Variants in CEP83 observed in about 807,000 individuals in gnomAD.
CEP83 encodes the protein centrosomal protein of 83 kDa.
A neutral mutation model predicts 101.9 loss-of-function variants in CEP83; 70 were observed. The ratio of observed to expected loss-of-function variants is 0.69; its 90% confidence interval spans 0.57 to 0.84. The LOEUF is 0.84. Among genes scored for constraint, CEP83 ranks in the 40% least tolerant of loss-of-function variants. The probability of loss-of-function intolerance (pLI) is 0.00; values close to 1 mark genes in which losing one functional copy is unlikely to be tolerated. For synonymous variants in CEP83, 264 were observed against 267.9 expected, an observed-to-expected ratio of 0.99 and a Z score of 0.14; for missense variants, 715 against 787.2, an observed-to-expected ratio of 0.91 and a Z score of 1.10.
At chr12:94,441,528 A>G (rs558422662) in intron 1 of CEP83, among the ~76,000 whole-genome samples, 2 of 152,326 alleles carry the variant, frequency 1.3e-5, no homozygotes, top group Admixed American at 1.3e-4. Flanking sequence ...ATAGATGGTG[A>G]CAAGGATGTA....
chr12:94,312,725 A>G (rs978957777), intron 15 of CEP83, 189 bp downstream of exon 15: 1 of 985,294 alleles, frequency 1.0e-6, no homozygotes, highest in African/African-American at 1.7e-5. Flanking sequence ...TATGTGACAG[A>G]GACCTTTTGG....
At position 94,378,875 on chromosome 12, in the gene CEP83, C is replaced by T; in HGVS notation, c.717G>A (p.Glu239=). Residue 239 remains glutamate (E), a synonymous_variant, in exon 7 of 17, where the codon GAG becomes GAA. Coordinates refer to ENST00000397809, the MANE Select transcript of CEP83 (RefSeq NM_016122.3). ...AEVAELKAEK[E]NSEAQVENAQ... is the part of the protein sequence containing the mutation. ...CATTTTCCACCTGAGCCTCAGAATT[C>T]TCCTTTTCAGCCTTTAATTCCGCTA... 1 of 1,614,078 alleles carries T rather than the reference C, an allele frequency of 6.2e-7. No individual in the cohort carries two copies. The highest frequency in any genetic ancestry group is 8.5e-7 in the Non-Finnish European group (1 of 1,179,980).
intron 8 of CEP83, 55 bp downstream of exon 8, chr12:94,375,831 C>A: frequency 2.1e-6 from 2 of 942,182 alleles, no homozygotes; most frequent in Non-Finnish European, 3.0e-6. Flanking sequence ...TAAAATTTAT[C>A]ATTATATACT....
intron 3 of CEP83, among the ~76,000 whole-genome samples, chr12:94,412,049 T>A (rs1231574866): frequency 6.6e-6 from 1 of 152,164 alleles, no homozygotes; most frequent in East Asian, 1.9e-4. Flanking sequence ...TGGTGGGAGA[T>A]GGGGAACACA....
the CEP83 span, among the ~76,000 whole-genome samples, chr12:94,283,509 T>G: frequency 6.6e-6 from 1 of 152,204 alleles, no homozygotes; most frequent in Non-Finnish European, 1.5e-5. Context: ...AGAGCTGATT[T>G]ATCAAGACAG....
At chr12:94,454,185 AT>A (rs1198320571) in intron 1 of CEP83, among the ~76,000 whole-genome samples, 3 of 152,164 alleles carry the variant, frequency 2.0e-5, no homozygotes, top group African/African-American at 7.2e-5. Flanking sequence ...CAAAAATGTT[AT>A]AAAGAACCAT....
At chr12:94,445,930 A>AAATG (rs1006457773) in intron 1 of CEP83, among the ~76,000 whole-genome samples, 5 of 152,362 alleles carry the variant, frequency 3.3e-5, no homozygotes, top group Non-Finnish European at 4.4e-5. Context: ...GCAGGCTGGA[A>AAATG]AATGAATGAA....
At chr12:94,443,503 ATTTT>A (rs2066573709) in intron 1 of CEP83, among the ~76,000 whole-genome samples, 1 of 151,774 alleles carries the variant, frequency 6.6e-6, no homozygotes, top group Non-Finnish European at 1.5e-5. Context: ...ATAAACATAT[ATTTT>A]TTTGAGACAG....
intron 11 of CEP83, among the ~76,000 whole-genome samples, chr12:94,351,679 C>A (rs1168797904): frequency 6.6e-6 from 1 of 152,116 alleles, no homozygotes; most frequent in Non-Finnish European, 1.5e-5. Flanking sequence ...CCAGCCACTG[C>A]CAGCAATCCC....
At chr12:94,357,299 A>C (rs1425428406) in intron 11 of CEP83, among the ~76,000 whole-genome samples, 1 of 152,174 alleles carries the variant, frequency 6.6e-6, no homozygotes, top group East Asian at 1.9e-4. Flanking sequence ...GGATAAAGGA[A>C]ATACTCCATT....
At chr12:94,279,727 C>T in the CEP83 span, 6 of 1,226,446 alleles carry the variant, frequency 4.9e-6, no homozygotes, top group Admixed American at 4.0e-5. Context: ...CCTGTCCCCC[C>T]TCCCTGCCCC....
At chr12:94,398,714 T>C (rs2063059015) in intron 6 of CEP83, among the ~76,000 whole-genome samples, 1 of 152,226 alleles carries the variant, frequency 6.6e-6, no homozygotes, top group South Asian at 2.1e-4. Flanking sequence ...GCCATATTTT[T>C]CTTCTTGCAG....
chr12:94,406,772 T>A (rs2365447), intron 4 of CEP83, among the ~76,000 whole-genome samples: 86,747 of 151,540 alleles, frequency 0.57, 24,873 homozygotes, highest in Admixed American at 0.6. Context: ...ATAAAAAATT[T>A]AAAAATTAAC....
the CEP83 span, among the ~76,000 whole-genome samples, chr12:94,294,803 G>A: frequency 2.6e-5 from 4 of 152,312 alleles, no homozygotes; most frequent in African/African-American, 9.6e-5. Flanking sequence ...TAAACTCAGG[G>A]CAGAATCTCA....
chr12:94,379,165 T>A, intron 6 of CEP83, 123 bp from the exon 7 acceptor site: 1 of 819,596 alleles, frequency 1.2e-6, no homozygotes, highest in Non-Finnish European at 1.9e-6. Flanking sequence ...TGAAACAAAG[T>A]ACAAAGGAAA....
chr12:94,332,294 A>C (rs1455042059), intron 13 of CEP83, among the ~76,000 whole-genome samples: 1 of 152,240 alleles, frequency 6.6e-6, no homozygotes, highest in Non-Finnish European at 1.5e-5. Context: ...CTAGAGTAAA[A>C]TGCATATAAA....
intron 7 of CEP83, among the ~76,000 whole-genome samples, chr12:94,376,860 C>G (rs1267628602): frequency 6.6e-6 from 1 of 151,924 alleles, no homozygotes; most frequent in Non-Finnish European, 1.5e-5. Context: ...CTGCCTCAGC[C>G]TCCCGAGTAG....
At chr12:94,367,772 TA>T in intron 11 of CEP83, 21 bp downstream of exon 11, 1 of 1,528,414 alleles carries the variant, frequency 6.5e-7, no homozygotes, top group South Asian at 1.3e-5. Context: ...TGAAAAACTT[TA>T]AATATATATG....
intron 11 of CEP83, among the ~76,000 whole-genome samples, chr12:94,339,772 C>T (rs1206302144): frequency 1.1e-4 from 16 of 152,226 alleles, no homozygotes; most frequent in Non-Finnish European, 2.1e-4. Flanking sequence ...GAAATTGACA[C>T]TGGCCATTAT....
Sources: allele counts gnomAD v4.1 joint callset (sites outside exome capture counted in the v4.1 genomes callset), GRCh38; gene constraint gnomAD v4.1.1; transcripts MANE v1.5; gene names NCBI Gene and HGNC (gene_info 2026-07-23, HGNC 2026-07-21).